Variants in MTA3 observed in about 807,000 individuals in gnomAD.
MTA3 encodes the protein metastasis associated 1 family member 3, also known as metastasis-associated protein MTA3.
In MTA3, 34 loss-of-function variants were observed where a neutral mutation model predicts 83.5. That is an observed-to-expected ratio of 0.41 (90% CI 0.31 to 0.54). MTA3 has a LOEUF of 0.54. MTA3 is among the 20% of genes least tolerant of loss of function. The probability of loss-of-function intolerance (pLI) is 0.33; values close to 1 mark genes in which losing one functional copy is unlikely to be tolerated. For synonymous variants in MTA3, 303 were observed against 252.7 expected (o/e 1.20, Z -1.89); for missense variants, 761 against 726.4 (o/e 1.05, Z -0.55).
intron 2 of MTA3, among the ~76,000 whole-genome samples, chr2:42,553,931 A>G (rs1249444173): frequency 1.3e-5 from 2 of 150,586 alleles, no homozygotes; most frequent in South Asian, 4.2e-4. Context: ...GAAAAAAAAA[A>G]CAAAACAAAA....
intron 14 of MTA3, among the ~76,000 whole-genome samples, chr2:42,709,802 A>G (rs1242499592): frequency 6.6e-6 from 1 of 152,210 alleles, no homozygotes; most frequent in Non-Finnish European, 1.5e-5. Context: ...ATGATCATGT[A>G]TCATATATAT....
chr2:42,530,873 A>G (rs886261379), intron 2 of MTA3, among the ~76,000 whole-genome samples: 2 of 152,080 alleles, frequency 1.3e-5, no homozygotes, highest in Non-Finnish European at 2.9e-5. Context: ...TTCATCACCC[A>G]GGCTAGAGTG....
At chr2:42,697,673 GA>G in intron 10 of MTA3, 102 bp from the exon 11 acceptor site, 1 of 764,504 alleles carries the variant, frequency 1.3e-6, no homozygotes, top group East Asian at 3.1e-5. Context: ...GGTAATTTTT[GA>G]ATTACACTTT....
chr2:42,634,438 T>C (rs753805135), intron 4 of MTA3, among the ~76,000 whole-genome samples: 1 of 152,104 alleles, frequency 6.6e-6, no homozygotes, highest in Non-Finnish European at 1.5e-5. Flanking sequence ...GAAGCAGGCA[T>C]GTCTTACTTG....
intron 3 of MTA3, among the ~76,000 whole-genome samples, chr2:42,606,417 A>T (rs1038325304): frequency 1.4e-5 from 2 of 147,732 alleles, no homozygotes; most frequent in African/African-American, 2.5e-5. Context: ...CTCACCTCCC[A>T]GACGGGGCGG....
chr2:42,558,854 C>CT lies in MTA3; in HGVS notation c.-140-11572dup, dbSNP rs1373692431. ...ACAGGCGTGAGCCACCGTGCCCGGC[C>CT]TTTTTTTTTTTAACTAAAACCCATG... On this transcript the variant is annotated intron_variant, in intron 2 of 17. Transcript: ENST00000405592. Among the ~76,000 whole-genome samples, 544 of 146,348 alleles carry CT rather than the reference C, an allele frequency of 3.7e-3. 3 individuals are homozygous for CT. Among genetic ancestry groups the CT allele is most frequent in the South Asian group, 0.016 (74 of 4,600 alleles).
intron 4 of MTA3, among the ~76,000 whole-genome samples, chr2:42,634,984 A>G (rs1195868379): frequency 6.6e-6 from 1 of 152,134 alleles, no homozygotes; most frequent in Non-Finnish European, 1.5e-5. Context: ...CATGGAGTTT[A>G]TCATTGTTTT....
At chr2:42,625,311 C>T (rs1477539648) in intron 4 of MTA3, among the ~76,000 whole-genome samples, 3 of 151,476 alleles carry the variant, frequency 2.0e-5, no homozygotes, top group Non-Finnish European at 4.4e-5. Context: ...GGATTACAGG[C>T]GTGAGCCACC....
Position 42,614,366 on chromosome 2 carries a change from G to C in MTA3, c.317+4782G>C, listed in dbSNP as rs1409037141. Among the ~76,000 whole-genome samples the C allele has an allele frequency of 4.6e-5, 7 of 152,062 alleles. 2 individuals carry two copies. Among genetic ancestry groups the C allele is most frequent in the Admixed American group, 3.9e-4 (6 of 15,258 alleles). ...CCCGCCTCAGTCTCCCAAAGTGCTG[G>C]GATTACAGGCGTGAGCCACTGCGCC... On this transcript the variant is annotated intron_variant, in intron 4 of 16. Coordinates refer to ENST00000405094, the MANE Select transcript of MTA3 (RefSeq NM_001330442.2).
intron 14 of MTA3, among the ~76,000 whole-genome samples, chr2:42,711,907 T>C (rs1666653251): frequency 6.6e-6 from 1 of 152,112 alleles, no homozygotes; most frequent in Non-Finnish European, 1.5e-5. Context: ...GCAATGTGAA[T>C]GTACTTTCAG....
At chr2:42,521,884 A>C (rs2103694924) in intron 2 of MTA3, among the ~76,000 whole-genome samples, 1 of 151,274 alleles carries the variant, frequency 6.6e-6, no homozygotes, top group East Asian at 2.0e-4. Flanking sequence ...ACTCCTGAGT[A>C]GCCGGGATTA....
At chr2:42,594,803 T>C (rs1025902312) in intron 3 of MTA3, among the ~76,000 whole-genome samples, 2 of 138,362 alleles carry the variant, frequency 1.4e-5, no homozygotes, top group African/African-American at 2.7e-5. Flanking sequence ...CTCAGCTCAC[T>C]GTAAGCTACA....
Position 42,722,947 on chromosome 2 carries a change from A to G in MTA3, c.1671A>G (p.Pro557=). 1 of 1,551,194 alleles carries G rather than the reference A, an allele frequency of 6.4e-7. No individual in the cohort carries two copies. The highest frequency in any genetic ancestry group is 1.2e-5 in the South Asian group (1 of 84,054). The part of the protein sequence containing the change: ...VIRSTPSLQT[P]TTKRMLTTPN... Reference sequence around the variant, plus strand: ...GATCTACACCAAGCCTGCAAACCCCAACTACCAAGCGGATGCTAACAACTC... The same window carrying G: ...GATCTACACCAAGCCTGCAAACCCCGACTACCAAGCGGATGCTAACAACTC... The change falls in exon 16 of 17, where the codon CCA becomes CCG. Residue 557 remains proline, a synonymous_variant. Coordinates refer to ENST00000405094, the MANE Select transcript of MTA3 (RefSeq NM_001330442.2).
intron 14 of MTA3, among the ~76,000 whole-genome samples, chr2:42,711,223 G>T (rs1666583127): frequency 6.6e-6 from 1 of 152,142 alleles, no homozygotes; most frequent in Non-Finnish European, 1.5e-5. Flanking sequence ...TGGCTGCTGA[G>T]GAAACTCTGT....
intron 15 of MTA3, 74 bp downstream of exon 15, chr2:42,719,148 G>A: frequency 9.1e-7 from 1 of 1,096,670 alleles, no homozygotes; most frequent in Non-Finnish European, 1.4e-6. Flanking sequence ...AATTCTAAAT[G>A]GACATACCTA....
intron 15 of MTA3, among the ~76,000 whole-genome samples, chr2:42,720,873 G>A (rs1233349916): frequency 6.9e-6 from 1 of 145,646 alleles, no homozygotes; most frequent in African/African-American, 2.6e-5. Context: ...GACCGCTTGA[G>A]CCCAGGAGGC....
At chr2:42,708,449 T>C (rs73930459) in intron 13 of MTA3, among the ~76,000 whole-genome samples, 1,999 of 152,346 alleles carry the variant, frequency 0.013, 43 homozygotes, top group African/African-American at 0.045. Context: ...AAGTATGGAC[T>C]TAATCTTGAG....
chr2:42,551,778 A>AGGCTGGG (rs1677118831), intron 2 of MTA3, among the ~76,000 whole-genome samples: 1 of 149,828 alleles, frequency 6.7e-6, no homozygotes, highest in Admixed American at 6.6e-5. Context: ...TTCGCTCTGG[A>AGGCTGGG]GTGCAGTGGT....
intron 16 of MTA3, among the ~76,000 whole-genome samples, chr2:42,725,888 CAA>C (rs969461692): frequency 2.0e-5 from 3 of 152,120 alleles, no homozygotes; most frequent in African/African-American, 7.2e-5. Context: ...AGCTGAGAAA[CAA>C]GAGTGTAATG....
Sources: gnomAD v4.1 joint callset for allele counts (sites outside exome capture counted in the v4.1 genomes callset) on GRCh38, gnomAD v4.1.1 for gene constraint, MANE v1.5 for transcripts, NCBI Gene and HGNC (gene_info 2026-07-23, HGNC 2026-07-21) for gene names.